MCM9: variants seen among roughly 807,000 people sequenced by gnomAD.
MCM9 encodes minichromosome maintenance 9 homologous recombination repair factor, also known as DNA helicase MCM9.
Under a neutral mutation model 72.8 loss-of-function variants are expected in MCM9, and 55 were observed. The observed-to-expected ratio is 0.76, with a 90% CI of 0.61 to 0.95. The LOEUF (loss-of-function observed/expected upper bound fraction) is 0.95, where lower values mean the gene tolerates loss of function less well. Ranked by LOEUF, MCM9 falls within the 40% of genes least tolerant of loss-of-function variation. The pLI is 0.00. For synonymous variants in MCM9, 480 were observed against 503.4 expected (o/e 0.95, Z 0.62); for missense variants, 1,279 against 1,377.0 (o/e 0.93, Z 1.13).
chr6:118,833,002 T>C (rs991778288), intron 9 of MCM9, among the ~76,000 whole-genome samples: 1 of 152,186 alleles, frequency 6.6e-6, no homozygotes, highest in Non-Finnish European at 1.5e-5. Flanking sequence ...TAGAAGAACA[T>C]AAACCACTTT....
intron 9 of MCM9, among the ~76,000 whole-genome samples, chr6:118,831,453 G>A (rs936571767): frequency 3.9e-5 from 6 of 152,012 alleles, no homozygotes; most frequent in African/African-American, 1.4e-4. Flanking sequence ...AGGAAAATAC[G>A]GGAGTGGGCA....
chr6:118,929,364 C>T (rs1782192776), intron 3 of MCM9, among the ~76,000 whole-genome samples: 1 of 152,200 alleles, frequency 6.6e-6, no homozygotes, highest in African/African-American at 2.4e-5. Context: ...GACTATATAG[C>T]TGTCTGCCAT....
chr6:118,912,720 G>A (rs1466187219), intron 7 of MCM9: 1 of 152,750 alleles, frequency 6.5e-6, no homozygotes, highest in Non-Finnish European at 1.5e-5. Flanking sequence ...TAACCCGTAT[G>A]CCAGACTCTG....
At chr6:118,850,926 G>C (rs967326543) in intron 9 of MCM9, among the ~76,000 whole-genome samples, 3 of 151,738 alleles carry the variant, frequency 2.0e-5, no homozygotes, top group Admixed American at 6.6e-5. Flanking sequence ...CTGGGTTCAA[G>C]GGCCTCCTCA....
chr6:118,850,674 G>A (rs141174691), intron 9 of MCM9, among the ~76,000 whole-genome samples: 2,776 of 151,840 alleles, frequency 0.018, 50 homozygotes, highest in Non-Finnish European at 0.023. Context: ...GAGTGGCAAC[G>A]GTGGCAGTTT....
intron 9 of MCM9, among the ~76,000 whole-genome samples, chr6:118,843,828 T>C (rs1046800896): frequency 6.7e-6 from 1 of 149,448 alleles, no homozygotes; most frequent in Non-Finnish European, 1.5e-5. Context: ...AAATCAAAAC[T>C]GCTTCACAAA....
At chr6:118,911,208 A>G (rs1028128459) in intron 8 of MCM9, 2 of 985,708 alleles carry the variant, frequency 2.0e-6, no homozygotes, top group Non-Finnish European at 2.4e-6. Flanking sequence ...AAATATTAAT[A>G]AACATTCCCT....
At position 118,833,040 on chromosome 6, in the gene MCM9, T is replaced by C. The variant is rs137925500; in HGVS notation, c.1326-3790A>G. 7.3e-3 allele frequency among the ~76,000 whole-genome samples: 1,106 copies of C among 152,282 alleles called. 22 individuals carry two copies. The highest frequency in any genetic ancestry group is 0.027 in the Middle Eastern group (8 of 294). On this transcript the variant is annotated intron_variant, in intron 9 of 13. Coordinates refer to ENST00000619706, the MANE Select transcript of MCM9 (RefSeq NM_017696.3). ...GGTCTGGCCCCTAAAAGCCTTCCTGTGCAATCTTTTTCTCTCTCTTTACTA... is the reference window on the plus strand; with the variant it reads ...GGTCTGGCCCCTAAAAGCCTTCCTGCGCAATCTTTTTCTCTCTCTTTACTA...
intron 8 of MCM9, among the ~76,000 whole-genome samples, chr6:118,907,140 G>T (rs1228334710): frequency 6.6e-6 from 1 of 152,114 alleles, no homozygotes; most frequent in East Asian, 1.9e-4. Context: ...AGAAGTATAG[G>T]AGTTAAATAG....
intron 8 of MCM9, among the ~76,000 whole-genome samples, chr6:118,880,296 A>G (rs573438464): frequency 6.6e-6 from 1 of 152,300 alleles, no homozygotes; most frequent in East Asian, 1.9e-4. Flanking sequence ...AGAAGTTTAC[A>G]AGGAACTGTT....
chr6:118,903,674 A>G (rs773628843), intron 8 of MCM9, among the ~76,000 whole-genome samples: 11 of 152,190 alleles, frequency 7.2e-5, no homozygotes, highest in Non-Finnish European at 1.6e-4. Flanking sequence ...TAAAAGATGA[A>G]TTTTTCAGGA....
chr6:118,820,222 A>C (rs1773705721), intron 13 of MCM9, among the ~76,000 whole-genome samples: 2 of 151,942 alleles, frequency 1.3e-5, no homozygotes, highest in Non-Finnish European at 2.9e-5. Flanking sequence ...TTAGGGTGTC[A>C]ATTTTAGTTC....
chr6:118,913,931 T>A (rs1780743025), intron 6 of MCM9, among the ~76,000 whole-genome samples: 1 of 152,154 alleles, frequency 6.6e-6, no homozygotes, highest in South Asian at 2.1e-4. Context: ...ATGTGACAAT[T>A]TCAGTAAAAT....
chr6:118,851,064 T>C (rs1458760686), intron 9 of MCM9, among the ~76,000 whole-genome samples: 1 of 151,726 alleles, frequency 6.6e-6, no homozygotes, highest in Non-Finnish European at 1.5e-5. Context: ...CAAGGGATCC[T>C]CCTCTCTCAG....
chr6:118,916,784 G>A (rs1781000514), intron 6 of MCM9, among the ~76,000 whole-genome samples: 1 of 152,126 alleles, frequency 6.6e-6, no homozygotes, highest in Non-Finnish European at 1.5e-5. Flanking sequence ...TTACAGGCGT[G>A]AGCCACCATG....
In MCM9 at chr6:118,814,958, T is replaced by C. The variant is rs1007909127; in HGVS notation, c.3298A>G (p.Lys1100Glu). The C allele has an allele frequency of 3.5e-5, 55 of 1,550,384 alleles. No homozygotes were observed. Among genetic ancestry groups the C allele is most frequent in the Non-Finnish European group, 4.4e-5 (51 of 1,146,968 alleles). ...PTTTAPMRVS[K>E]RKSFQLRGST... The stretch of plus-strand genomic sequence containing the variant: ...CCACGGAGCTGAAAAGATTTCCTTT[T>C]ACTGACACGCATTGGAGCTGTGGTT... The change falls in exon 14 of 14, where the codon AAA (lysine) becomes GAA (glutamate). Residue 1100 changes from lysine to glutamate, a missense_variant. Transcript: ENST00000619706.
At chr6:118,854,816 T>G (rs1239932359) in intron 9 of MCM9, among the ~76,000 whole-genome samples, 1 of 152,270 alleles carries the variant, frequency 6.6e-6, no homozygotes, top group African/African-American at 2.4e-5. Flanking sequence ...TTTTCAAATG[T>G]TACACCAACC....
intron 8 of MCM9, among the ~76,000 whole-genome samples, chr6:118,876,359 T>C (rs1777931265): frequency 6.6e-6 from 1 of 152,098 alleles, no homozygotes; most frequent in African/African-American, 2.4e-5. Flanking sequence ...CAACACTGAG[T>C]GAATCCTAAT....
chr6:118,814,666 G>A lies in MCM9; in HGVS notation c.*158C>T, dbSNP rs1420175410. 1.6e-6 allele frequency: 1 copy of A among 644,288 alleles called. No homozygotes were observed. 39.9% of individuals were successfully genotyped at this position (644,288 alleles called of 1,614,324 possible). ...ATTATACAACTTTTTAAGTCATGAAGATTAACCTGAAATTAGAAAGCCTTA... is the reference window on the plus strand; with the variant it reads ...ATTATACAACTTTTTAAGTCATGAAAATTAACCTGAAATTAGAAAGCCTTA... On this transcript the variant is annotated 3_prime_UTR_variant, in exon 14 of 14. Transcript: ENST00000619706.
Sources: gnomAD v4.1 joint callset for allele counts (sites outside exome capture counted in the v4.1 genomes callset) on GRCh38, gnomAD v4.1.1 for gene constraint, MANE v1.5 for transcripts, NCBI Gene and HGNC (gene_info 2026-07-23, HGNC 2026-07-21) for gene names.